The following EYS variants were observed in gnomAD, a reference collection of about 807,000 sequenced individuals.
EYS encodes protein eyes shut homolog.
In EYS, 250 loss-of-function variants were observed where a neutral mutation model predicts 282.1. That is an observed-to-expected ratio of 0.89 (90% CI 0.80 to 0.98). EYS has a LOEUF of 0.98. EYS is among the 50% of genes least tolerant of loss of function. The pLI, the probability that EYS is intolerant of heterozygous loss-of-function variation, is 0.00. For missense variants in EYS, 4,016 were observed against 3,709.0 expected (o/e 1.08, Z -2.15); for synonymous variants, 1,355 against 1,282.9 (o/e 1.06, Z -1.20).
At chr6:65,438,184 A>T (rs1165684319) in intron 5 of EYS, among the ~76,000 whole-genome samples, 3 of 151,752 alleles carry the variant, frequency 2.0e-5, no homozygotes, top group Non-Finnish European at 2.9e-5. Context: ...AAGGACATGA[A>T]CTCATCCTTT....
At chr6:64,743,323 A>G (rs1772437931) in intron 22 of EYS, among the ~76,000 whole-genome samples, 1 of 152,176 alleles carries the variant, frequency 6.6e-6, no homozygotes, top group Admixed American at 6.5e-5. Flanking sequence ...AAAAGGCACC[A>G]GGCCCAATCT....
At chr6:64,078,924 G>C (rs944325073) in intron 32 of EYS, among the ~76,000 whole-genome samples, 1 of 152,082 alleles carries the variant, frequency 6.6e-6, no homozygotes, top group African/African-American at 2.4e-5. Flanking sequence ...CCAGGAGCGT[G>C]AACCCAGAGC....
intron 22 of EYS, among the ~76,000 whole-genome samples, chr6:64,667,721 A>T (rs1016347735): frequency 6.6e-6 from 1 of 152,082 alleles, no homozygotes; most frequent in African/African-American, 2.4e-5. Flanking sequence ...TAATTTACAT[A>T]TTGTTTTTTA....
intron 12 of EYS, among the ~76,000 whole-genome samples, chr6:65,272,041 C>T (rs546087702): frequency 2.6e-5 from 4 of 152,286 alleles, no homozygotes; most frequent in South Asian, 2.1e-4. Context: ...TGTGTACATG[C>T]GCTTAAACTG....
intron 5 of EYS, among the ~76,000 whole-genome samples, chr6:65,435,089 T>C (rs1463901394): frequency 1.3e-5 from 2 of 151,812 alleles, no homozygotes; most frequent in Non-Finnish European, 2.9e-5. Flanking sequence ...AATAAGATAT[T>C]TTCTATCTGA....
intron 13 of EYS, among the ~76,000 whole-genome samples, chr6:65,030,978 C>CA (rs1173119280): frequency 2.0e-5 from 3 of 151,318 alleles, no homozygotes; most frequent in Non-Finnish European, 4.4e-5. Context: ...AAATGGAAAA[C>CA]AAAAAAGAGC....
chr6:63,901,993 A>G (rs542187490), intron 35 of EYS, among the ~76,000 whole-genome samples: 1 of 152,150 alleles, frequency 6.6e-6, no homozygotes, highest in East Asian at 1.9e-4. Flanking sequence ...CCCTGGTTCA[A>G]GTGACCCTTC....
chr6:65,436,023 G>A (rs756485860), intron 5 of EYS, among the ~76,000 whole-genome samples: 30 of 152,002 alleles, frequency 2.0e-4, no homozygotes, highest in Non-Finnish European at 1.6e-4. Context: ...TCCAGTACAT[G>A]GCCCTTTTTT....
chr6:65,382,254 G>A (rs1401038486), intron 8 of EYS, among the ~76,000 whole-genome samples: 1 of 118,038 alleles, frequency 8.5e-6, no homozygotes, highest in Non-Finnish European at 1.8e-5. Flanking sequence ...TTCTCAAGAA[G>A]TTTTATAAAT....
At position 63,798,653 on chromosome 6, in the gene EYS, T is replaced by C. The variant is rs553509585; in HGVS notation, c.7411+7537A>G. ...AAGAACAGGCTGAGCTGATTGCTTCTGTGACACTCCCTGCTTCAATTTTCT... is the reference window on the plus strand; with the variant it reads ...AAGAACAGGCTGAGCTGATTGCTTCCGTGACACTCCCTGCTTCAATTTTCT... On this transcript the variant is annotated intron_variant, in intron 37 of 42. Coordinates refer to ENST00000503581, the MANE Select transcript of EYS (RefSeq NM_001142800.2). Among the ~76,000 whole-genome samples the C allele has an allele frequency of 5.3e-5, 8 of 152,316 alleles. No homozygotes were observed. In the South Asian group the frequency reaches 1.4e-3, roughly 28 times the overall value.
chr6:63,849,992 G>A (rs765363789), intron 36 of EYS, among the ~76,000 whole-genome samples: 2 of 152,110 alleles, frequency 1.3e-5, no homozygotes, highest in Non-Finnish European at 1.5e-5. Context: ...ATGATCTGAT[G>A]GAGCTGAAAA....
chr6:64,596,336 A>G (rs1033628013), intron 24 of EYS, among the ~76,000 whole-genome samples: 1 of 152,206 alleles, frequency 6.6e-6, no homozygotes, highest in Non-Finnish European at 1.5e-5. Context: ...AAGACCAATG[A>G]TATTTTTCAG....
intron 22 of EYS, among the ~76,000 whole-genome samples, chr6:64,652,767 C>T (rs533057271): frequency 3.3e-5 from 5 of 150,850 alleles, no homozygotes; most frequent in Non-Finnish European, 5.9e-5. Context: ...CTACATGTAG[C>T]GATAAAGAAC....
rs6921369 is a variant in EYS at position 63,961,751 on chromosome 6, C to G, written c.7055+22632G>C. ...AATGGTGGAGCCCTTGTAACCTAGT[C>G]ACCCCCTAAAGGTCCTACTTCTAAG... On this transcript the variant is annotated intron_variant, in intron 35 of 42. Coordinates refer to ENST00000503581, the MANE Select transcript of EYS (RefSeq NM_001142800.2). Among the ~76,000 whole-genome samples the G allele has an allele frequency of 4.5e-3, 686 of 152,240 alleles. 4 individuals are homozygous for G. Among genetic ancestry groups the G allele is most frequent in the African/African-American group, 0.015 (628 of 41,542 alleles).
intron 8 of EYS, among the ~76,000 whole-genome samples, chr6:65,370,175 G>A (rs899344932): frequency 2.0e-5 from 3 of 150,102 alleles, no homozygotes; most frequent in African/African-American, 7.3e-5. Flanking sequence ...AACATACTTA[G>A]CTTACGCAAT....
chr6:64,660,309 C>G (rs111910783), intron 22 of EYS, among the ~76,000 whole-genome samples: 16,252 of 151,546 alleles, frequency 0.11, 681 homozygotes, highest in East Asian at 0.16. Context: ...TGGAAGCATT[C>G]CCTTTGAAAA....
chr6:64,532,478 G>A (rs1764380309), intron 26 of EYS, among the ~76,000 whole-genome samples: 1 of 152,176 alleles, frequency 6.6e-6, no homozygotes, highest in South Asian at 2.1e-4. Flanking sequence ...GGGAGGCGGA[G>A]GCGAGCGGAT....
intron 27 of EYS, among the ~76,000 whole-genome samples, chr6:64,437,635 T>C (rs933401728): frequency 2.1e-4 from 32 of 151,694 alleles, no homozygotes; most frequent in African/African-American, 7.7e-4. Flanking sequence ...AATGAATGAA[T>C]ATTGTGAAGT....
chr6:64,857,887 G>A (rs79724051), intron 19 of EYS, among the ~76,000 whole-genome samples: 3,452 of 152,028 alleles, frequency 0.023, 134 homozygotes, highest in African/African-American at 0.08. Context: ...TATACCTATC[G>A]ACCATTTGCA....
Sources: gnomAD v4.1 joint callset for allele counts (sites outside exome capture counted in the v4.1 genomes callset) on GRCh38, gnomAD v4.1.1 for gene constraint, MANE v1.5 for transcripts, NCBI Gene and HGNC (gene_info 2026-07-23, HGNC 2026-07-21) for gene names.